Variants in TNFSF4 observed in about 807,000 individuals in gnomAD.
TNFSF4 encodes tumor necrosis factor ligand superfamily member 4.
A neutral mutation model predicts 7.3 loss-of-function variants in TNFSF4; 4 were observed. The ratio of observed to expected loss-of-function variants is 0.55; its 90% CI spans 0.27 to 1.25. The LOEUF is 1.25. Among genes scored for constraint, TNFSF4 ranks in the 50% most tolerant of loss-of-function variants. The pLI is 0.12. For missense variants in TNFSF4, 181 were observed against 208.8 expected (o/e 0.87, Z 0.82); for synonymous variants, 76 against 83.7 (o/e 0.91, Z 0.50).
At chr1:173,426,464 C>T in the TNFSF4 span, among the ~76,000 whole-genome samples, 1 of 152,152 alleles carries the variant, frequency 6.6e-6, no homozygotes, top group Non-Finnish European at 1.5e-5. Flanking sequence ...TTCTAATCCC[C>T]AGAACCTGTA....
At chr1:173,232,960 T>C in the TNFSF4 span, among the ~76,000 whole-genome samples, 2 of 152,254 alleles carry the variant, frequency 1.3e-5, no homozygotes, top group East Asian at 3.9e-4. Flanking sequence ...TCACCAGCAA[T>C]GGAACAAAGC....
intron 1 of TNFSF4, among the ~76,000 whole-genome samples, chr1:173,202,705 A>G (rs1649997251): frequency 6.6e-6 from 1 of 152,134 alleles, no homozygotes; most frequent in African/African-American, 2.4e-5. Flanking sequence ...CTTTAGCATG[A>G]TTCACAAGAT....
At chr1:173,177,988 GA>G in the TNFSF4 span, among the ~76,000 whole-genome samples, 2 of 152,084 alleles carry the variant, frequency 1.3e-5, no homozygotes, top group African/African-American at 4.8e-5. Context: ...TTTCAGAATA[GA>G]AAAACTAGCC....
chr1:173,371,422 G>C, the TNFSF4 span, among the ~76,000 whole-genome samples: 5 of 152,156 alleles, frequency 3.3e-5, no homozygotes, highest in Non-Finnish European at 5.9e-5. Flanking sequence ...TCCCCTGCTT[G>C]AGGAGGGAAT....
At chr1:173,333,404 T>C in the TNFSF4 span, among the ~76,000 whole-genome samples, 1 of 151,982 alleles carries the variant, frequency 6.6e-6, no homozygotes, top group Non-Finnish European at 1.5e-5. Flanking sequence ...GAGACATCGG[T>C]TTTTCCTGTT....
chr1:173,315,947 T>A, the TNFSF4 span, among the ~76,000 whole-genome samples: 5 of 152,192 alleles, frequency 3.3e-5, no homozygotes, highest in Admixed American at 3.3e-4. Flanking sequence ...GAGCTTTTGA[T>A]TTCATATCAA....
At chr1:173,383,234 C>T in the TNFSF4 span, among the ~76,000 whole-genome samples, 60 of 152,202 alleles carry the variant, frequency 3.9e-4, no homozygotes, top group African/African-American at 1.4e-3. Context: ...GAATTCTTTG[C>T]CCAAAATAGC....
the TNFSF4 span, among the ~76,000 whole-genome samples, chr1:173,292,434 C>G: frequency 1.3e-5 from 2 of 152,012 alleles, no homozygotes; most frequent in African/African-American, 2.4e-5. Flanking sequence ...ATTCAACATC[C>G]CTTTATGTTA....
chr1:173,371,432 T>C, the TNFSF4 span, among the ~76,000 whole-genome samples: 109 of 152,250 alleles, frequency 7.2e-4, 1 homozygote, highest in Non-Finnish European at 1.3e-3. Flanking sequence ...GAGGAGGGAA[T>C]CAACCCTGAA....
intron 1 of TNFSF4, among the ~76,000 whole-genome samples, chr1:173,206,685 C>T (rs1650206913): frequency 6.6e-6 from 1 of 152,152 alleles, no homozygotes; most frequent in African/African-American, 2.4e-5. Flanking sequence ...AAACACATTA[C>T]TATCACAATG....
chr1:173,392,924 C>A, the TNFSF4 span, among the ~76,000 whole-genome samples: 1 of 152,072 alleles, frequency 6.6e-6, no homozygotes, highest in African/African-American at 2.4e-5. Context: ...AATGGAAGCA[C>A]AAGGCCGTAA....
chr1:173,332,292 A>C, the TNFSF4 span, among the ~76,000 whole-genome samples: 43 of 152,154 alleles, frequency 2.8e-4, no homozygotes, highest in Non-Finnish European at 7.3e-5. Context: ...GTTGCTGCAC[A>C]AGGGCTGAGG....
At chr1:173,287,506 G>A in the TNFSF4 span, among the ~76,000 whole-genome samples, 10 of 152,112 alleles carry the variant, frequency 6.6e-5, 1 homozygote, top group Admixed American at 2.0e-4. Flanking sequence ...TTACAAAAGC[G>A]TTCAGTGATA....
the TNFSF4 span, among the ~76,000 whole-genome samples, chr1:173,340,058 A>C: frequency 6.6e-6 from 1 of 152,192 alleles, no homozygotes; most frequent in Admixed American, 6.5e-5. Context: ...TAACAGTTGA[A>C]GACCTGAATA....
At chr1:173,239,353 G>A in the TNFSF4 span, among the ~76,000 whole-genome samples, 19 of 152,128 alleles carry the variant, frequency 1.2e-4, no homozygotes, top group Admixed American at 3.9e-4. Context: ...CTATATTTGG[G>A]TTTTGCTCTC....
the TNFSF4 span, among the ~76,000 whole-genome samples, chr1:173,413,205 A>G: frequency 6.6e-6 from 1 of 152,168 alleles, no homozygotes; most frequent in East Asian, 1.9e-4. Flanking sequence ...TATAGGAGAG[A>G]GAGAAAGACA....
the TNFSF4 span, among the ~76,000 whole-genome samples, chr1:173,294,634 A>C: frequency 2.0e-5 from 3 of 152,060 alleles, no homozygotes; most frequent in African/African-American, 7.2e-5. Flanking sequence ...CCCCCAAAAA[A>C]TAAAAAGGAA....
the TNFSF4 span, among the ~76,000 whole-genome samples, chr1:173,373,460 G>C: frequency 1.2e-4 from 19 of 152,172 alleles, no homozygotes; most frequent in African/African-American, 4.6e-4. Flanking sequence ...TCTCCTCAGG[G>C]TGGTTAATGA....
chr1:173,271,911 C>T, the TNFSF4 span, among the ~76,000 whole-genome samples: 18 of 152,184 alleles, frequency 1.2e-4, no homozygotes, highest in South Asian at 1.0e-3. Flanking sequence ...ATGTTTATTG[C>T]GGCACTATTC....
Sources: gnomAD v4.1 joint callset for allele counts (sites outside exome capture counted in the v4.1 genomes callset) on GRCh38, gnomAD v4.1.1 for gene constraint, MANE v1.5 for transcripts, NCBI Gene and HGNC (gene_info 2026-07-23, HGNC 2026-07-21) for gene names.